Variants in TNR observed in about 807,000 individuals in gnomAD.
TNR encodes the protein tenascin-R.
Under a neutral mutation model 150.4 loss-of-function variants are expected in TNR, and 45 were observed. That is an observed-to-expected ratio of 0.30 (90% CI 0.24 to 0.38). The LOEUF (loss-of-function observed/expected upper bound fraction) is 0.38. Ranked by LOEUF, TNR falls within the 10% of genes least tolerant of loss-of-function variation. The pLI is 1.00. For synonymous variants in TNR, 687 were observed against 678.4 expected, an observed-to-expected ratio of 1.01 and a Z score of -0.20; for missense variants, 1,544 against 1,759.1, an observed-to-expected ratio of 0.88 and a Z score of 2.19.
chr1:175,696,057 T>G (rs1666507308), intron 1 of TNR, among the ~76,000 whole-genome samples: 1 of 152,150 alleles, frequency 6.6e-6, no homozygotes, highest in Admixed American at 6.5e-5. Flanking sequence ...GGAGCAAGTC[T>G]TGCATTTCAG....
chr1:175,480,070 T>C (rs1657715694), intron 2 of TNR, among the ~76,000 whole-genome samples: 1 of 151,986 alleles, frequency 6.6e-6, no homozygotes, highest in South Asian at 2.1e-4. Flanking sequence ...TCTGCCCATG[T>C]ACACTAATGA....
At chr1:175,433,103 A>G (rs1429873718) in intron 2 of TNR, among the ~76,000 whole-genome samples, 2 of 152,192 alleles carry the variant, frequency 1.3e-5, no homozygotes, top group Non-Finnish European at 2.9e-5. Context: ...GATGAAAGCT[A>G]CACAATCAGA....
chr1:175,615,920 G>A (rs541735756), intron 1 of TNR, among the ~76,000 whole-genome samples: 2 of 152,192 alleles, frequency 1.3e-5, no homozygotes, highest in African/African-American at 4.8e-5. Context: ...ATTTAATGAC[G>A]TTCCATGCTC....
intron 2 of TNR, among the ~76,000 whole-genome samples, chr1:175,505,905 G>A (rs926724756): frequency 0.012 from 2 of 172 alleles, no homozygotes; most frequent in Non-Finnish European, 0.023. Context: ...GCCAGGCCTG[G>A]TGCACATGCC....
chr1:175,605,527 A>T (rs1220957380), intron 1 of TNR, among the ~76,000 whole-genome samples: 1 of 152,240 alleles, frequency 6.6e-6, no homozygotes, highest in Admixed American at 6.5e-5. Flanking sequence ...TGAACATAGC[A>T]TTGTGGCCAG....
At chr1:175,594,193 G>A (rs1436179200) in intron 1 of TNR, among the ~76,000 whole-genome samples, 5 of 152,124 alleles carry the variant, frequency 3.3e-5, no homozygotes, top group African/African-American at 4.8e-5. Context: ...TCCTGATAGG[G>A]ATTGGGAATG....
intron 2 of TNR, among the ~76,000 whole-genome samples, chr1:175,486,959 T>C (rs1658043991): frequency 1.3e-5 from 2 of 152,270 alleles, no homozygotes; most frequent in Admixed American, 1.3e-4. Flanking sequence ...TGCCCACTTC[T>C]TGATGGGGTT....
chr1:175,708,996 A>T lies in TNR; in HGVS notation c.-165+34230T>A, dbSNP rs1180678304. ...AGCACCCCCACGTGGCGAGCATGTT[A>T]TATCATGTAATCCTCACGACAGCTC... On this transcript the variant is annotated intron_variant, in intron 1 of 22. Coordinates refer to ENST00000367674, the MANE Select transcript of TNR (RefSeq NM_003285.3). Among the ~76,000 whole-genome samples the T allele has an allele frequency of 3.7e-5, 5 of 133,458 alleles. No homozygotes were observed. The East Asian group carries it at 9.6e-4, about 26-fold the overall frequency. 87.6% of individuals were successfully genotyped at this position (133,458 alleles called of 152,430 possible). A position where few individuals can be genotyped will look rare whatever the true frequency, so the allele number is the denominator to read the frequency against.
intron 1 of TNR, among the ~76,000 whole-genome samples, chr1:175,591,539 C>G (rs554806520): frequency 2.0e-5 from 3 of 152,284 alleles, no homozygotes; most frequent in African/African-American, 4.8e-5. Flanking sequence ...TAACCCACAG[C>G]CTGAGAAGGG....
chr1:175,712,788 G>A (rs746961928), intron 1 of TNR, among the ~76,000 whole-genome samples: 7 of 152,112 alleles, frequency 4.6e-5, no homozygotes, highest in East Asian at 3.9e-4. Context: ...GAGGCCTCCC[G>A]AGAAACTGAG....
intron 1 of TNR, among the ~76,000 whole-genome samples, chr1:175,591,165 C>A (rs1662782745): frequency 6.6e-6 from 1 of 152,200 alleles, no homozygotes; most frequent in Non-Finnish European, 1.5e-5. Context: ...ATCTTTGTAA[C>A]TAAATAGCCT....
chr1:175,454,539 C>T (rs1461182493), intron 2 of TNR, among the ~76,000 whole-genome samples: 1 of 152,162 alleles, frequency 6.6e-6, no homozygotes, highest in Non-Finnish European at 1.5e-5. Context: ...GGCGCAATCT[C>T]GGCTCACTGC....
chr1:175,521,467 C>T (rs1254191690), intron 2 of TNR, among the ~76,000 whole-genome samples: 2 of 152,196 alleles, frequency 1.3e-5, no homozygotes, highest in Non-Finnish European at 2.9e-5. Context: ...GGCTCTGGTC[C>T]AATTCTGCGT....
At position 175,379,801 on chromosome 1, in the gene TNR, T is replaced by C. The variant is rs1412638519; in HGVS notation, c.1778-64A>G. On this transcript the variant is annotated intron_variant, in intron 8 of 22. Transcript: ENST00000367674. ...ATGTAATGTACATTTGTGGTGCATC[T>C]TGAACTCTGAAAAGATTGGTGGTGA... 3.9e-6 allele frequency: 6 copies of C among 1,552,598 alleles called. No individual in the cohort carries two copies. In the Admixed American group the frequency reaches 5.3e-5, roughly 14 times the overall value.
At chr1:175,337,074 G>A (rs1337358188) in intron 19 of TNR, among the ~76,000 whole-genome samples, 6 of 152,206 alleles carry the variant, frequency 3.9e-5, no homozygotes, top group South Asian at 2.1e-4. Context: ...TGTATTTTTA[G>A]TAGAGATACA....
At position 175,553,440 on chromosome 1, in the gene TNR, C is replaced by T. The variant is rs372731368; in HGVS notation, c.-164-25071G>A. On this transcript the variant is annotated intron_variant, in intron 1 of 22. Transcript: ENST00000367674. The stretch of plus-strand genomic sequence containing the variant: ...TTTCCTCCTAGATATTTAATTTCCT[C>T]TTCCAGCCGTTTACCACTGGGGCCC... 1.6e-4 allele frequency among the ~76,000 whole-genome samples: 25 copies of T among 152,190 alleles called. 1 individual carries two copies. Among genetic ancestry groups the T allele is most frequent in the Admixed American group, 6.5e-4 (10 of 15,276 alleles).
intron 7 of TNR, 100 bp from the exon 8 acceptor site, chr1:175,386,401 A>G (rs1364948016): frequency 7.7e-7 from 1 of 1,300,702 alleles, no homozygotes; most frequent in Non-Finnish European, 1.0e-6. Flanking sequence ...GGTGAGTCAG[A>G]GAGAGGATGG....
At chr1:175,397,085 C>T (rs144026415) in intron 4 of TNR, among the ~76,000 whole-genome samples, 1,614 of 152,044 alleles carry the variant, frequency 0.011, 31 homozygotes, top group African/African-American at 0.036. Context: ...TCAAGACTGT[C>T]GTTGAATACA....
At chr1:175,453,332 T>C (rs1034137961) in intron 2 of TNR, among the ~76,000 whole-genome samples, 1 of 151,930 alleles carries the variant, frequency 6.6e-6, no homozygotes, top group African/African-American at 2.4e-5. Context: ...GTGTGAGGGC[T>C]GAGGGAAAGA....
Sources: gnomAD v4.1 joint callset for allele counts (sites outside exome capture counted in the v4.1 genomes callset) on GRCh38, gnomAD v4.1.1 for gene constraint, MANE v1.5 for transcripts, NCBI Gene and HGNC (gene_info 2026-07-23, HGNC 2026-07-21) for gene names.